The following VPS37C variants were observed in gnomAD, a reference collection of about 807,000 sequenced individuals.
The protein encoded by VPS37C is vacuolar protein sorting-associated protein 37C.
VPS37C carries 9 observed loss-of-function variants against 16.1 expected under a neutral mutation model. The ratio of observed to expected loss-of-function variants is 0.56; its 90% confidence interval spans 0.34 to 0.97. The LOEUF (loss-of-function observed/expected upper bound fraction) is 0.97. VPS37C is among the 50% of genes least tolerant of loss of function. The pLI is 0.02. For synonymous variants in VPS37C, 207 were observed against 206.4 expected, an observed-to-expected ratio of 1.00 and a Z score of -0.02; for missense variants, 479 against 472.7, an observed-to-expected ratio of 1.01 and a Z score of -0.12.
At chr11:61,157,448 T>C (rs483398) in intron 1 of VPS37C, among the ~76,000 whole-genome samples, 113,977 of 152,112 alleles carry the variant, frequency 0.75, 44,159 homozygotes, top group East Asian at 1. Flanking sequence ...ATGGGTGAAG[T>C]GGTAGCTCAC....
chr11:61,130,814 G>C lies in VPS37C; in HGVS notation c.*1006C>G, dbSNP rs1253774621. Reference sequence around the variant, plus strand: ...TAAAAAGCACCATTTGGGAAGTAAAGTTAGGGCCTCTTTTGATGCCTGTCT... The same window carrying C: ...TAAAAAGCACCATTTGGGAAGTAAACTTAGGGCCTCTTTTGATGCCTGTCT... On this transcript the variant is annotated 3_prime_UTR_variant, in exon 5 of 5. Transcript: ENST00000301765. 6.8e-6 allele frequency: 3 copies of C among 441,650 alleles called. No individual in the cohort carries two copies. The highest frequency in any genetic ancestry group is 3.2e-5 in the South Asian group (2 of 62,448). The allele number at this position is 441,650 out of a possible 1,614,324, so 27.4% of individuals were successfully genotyped here. A position where few individuals can be genotyped will look rare whatever the true frequency, so the allele number is the denominator to read the frequency against.
In VPS37C at chr11:61,134,156, G is replaced by A; in HGVS notation, c.145C>T (p.Leu49=). The A allele has an allele frequency of 6.2e-7, 1 of 1,614,070 alleles. No homozygotes were observed. Among genetic ancestry groups the A allele is most frequent in the Non-Finnish European group, 8.5e-7 (1 of 1,179,976 alleles). The part of the protein sequence containing the change: ...REMALATNRS[L]AERNLEFQGP... ...TGGAACTCCAAGTTCCGCTCTGCCAGGCTCCGGTTGGTGGCCAGTGCCATC... is the reference window on the plus strand; with the variant it reads ...TGGAACTCCAAGTTCCGCTCTGCCAAGCTCCGGTTGGTGGCCAGTGCCATC... Residue 49 remains leucine, a synonymous_variant, in exon 3 of 5, where the codon CTG becomes TTG. Coordinates refer to ENST00000301765, the MANE Select transcript of VPS37C (RefSeq NM_017966.5).
At chr11:61,139,837 G>A (rs571014124) in intron 1 of VPS37C, among the ~76,000 whole-genome samples, 2 of 150,174 alleles carry the variant, frequency 1.3e-5, no homozygotes, top group Non-Finnish European at 3.0e-5. Flanking sequence ...TTGATCTCCT[G>A]GGCTCAAATG....
chr11:61,145,159 A>G (rs1377022449), intron 1 of VPS37C: 1 of 152,248 alleles, frequency 6.6e-6, no homozygotes, highest in Non-Finnish European at 1.5e-5. Flanking sequence ...TCTAGTATGT[A>G]AAGCCAGCAT....
chr11:61,159,098 T>C (rs1391851018), intron 1 of VPS37C, among the ~76,000 whole-genome samples: 1 of 152,192 alleles, frequency 6.6e-6, no homozygotes, highest in Non-Finnish European at 1.5e-5. Flanking sequence ...CCCCTACTAT[T>C]ACTGGCCAAG....
chr11:61,133,806 C>G (rs1861314971), intron 3 of VPS37C, among the ~76,000 whole-genome samples: 1 of 152,204 alleles, frequency 6.6e-6, no homozygotes, highest in South Asian at 2.1e-4. Context: ...CAGGCTGTCT[C>G]AATTCAAATC....
intron 1 of VPS37C, 111 bp downstream of exon 1, chr11:61,161,280 G>GAGGCGGGC (rs1197879758): frequency 6.6e-6 from 1 of 152,002 alleles, no homozygotes; most frequent in East Asian, 1.9e-4. Context: ...CTGCCAGGAT[G>GAGGCGGGC]AGGCGGGCAG....
chr11:61,146,412 T>A (rs1006660664), intron 1 of VPS37C, among the ~76,000 whole-genome samples: 2 of 152,198 alleles, frequency 1.3e-5, no homozygotes, highest in Non-Finnish European at 2.9e-5. Flanking sequence ...CAATAATTCA[T>A]CATGAATACA....
At chr11:61,142,607 G>A (rs1421903409) in intron 1 of VPS37C, among the ~76,000 whole-genome samples, 1 of 152,058 alleles carries the variant, frequency 6.6e-6, no homozygotes, top group African/African-American at 2.4e-5. Context: ...ATGATCATGG[G>A]TCATGCAGCC....
At chr11:61,157,055 G>A (rs1853388510) in intron 1 of VPS37C, among the ~76,000 whole-genome samples, 1 of 152,206 alleles carries the variant, frequency 6.6e-6, no homozygotes, top group African/African-American at 2.4e-5. Context: ...TGTATTACAG[G>A]ATGTATCAAA....
chr11:61,155,968 G>C (rs1269438489), intron 1 of VPS37C, among the ~76,000 whole-genome samples: 1 of 151,048 alleles, frequency 6.6e-6, no homozygotes, highest in East Asian at 1.9e-4. Context: ...GGAAATGAAA[G>C]TAAACTATTG....
At position 61,131,889 on chromosome 11, in the gene VPS37C, AG is replaced by A; in HGVS notation, c.998del (p.Pro333LeufsTer105). On this transcript the variant is annotated frameshift_variant, in exon 5 of 5. Transcript: ENST00000301765. LOFTEE classifies it high-confidence loss of function. ...QPQPSVPLQP[P>X]YPPGPAPPYG... ...AGGGAGGGGCGGGCCCGGGGGGATA[AG>A]GGGGCTGCAGGGGCACTGAGGGCTG... 8.2e-7 allele frequency: 1 copy of A among 1,220,568 alleles called. No homozygotes were observed. Among genetic ancestry groups the A allele is most frequent in the Non-Finnish European group, 1.0e-6 (1 of 963,986 alleles). 75.6% of individuals were successfully genotyped at this position (1,220,568 alleles called of 1,614,324 possible). A position where few individuals can be genotyped will look rare whatever the true frequency, so the allele number is the denominator to read the frequency against.
chr11:61,136,481 C>T (rs1034828897), intron 2 of VPS37C, among the ~76,000 whole-genome samples: 1 of 152,130 alleles, frequency 6.6e-6, no homozygotes, highest in African/African-American at 2.4e-5. Context: ...GCCTGATCAT[C>T]ACACATTCTA....
chr11:61,148,159 G>C (rs1301814729), intron 1 of VPS37C, among the ~76,000 whole-genome samples: 1 of 152,118 alleles, frequency 6.6e-6, no homozygotes, highest in Non-Finnish European at 1.5e-5. Flanking sequence ...TGCTGAGATC[G>C]TGCAGGAGGA....
intron 1 of VPS37C, chr11:61,144,560 T>A (rs1010568082): frequency 6.6e-6 from 1 of 152,064 alleles, no homozygotes; most frequent in Admixed American, 6.5e-5. Context: ...GCGGGACAGG[T>A]GACACCCAGG....
chr11:61,137,888 C>T (rs1414681379), intron 2 of VPS37C, among the ~76,000 whole-genome samples: 3 of 152,128 alleles, frequency 2.0e-5, no homozygotes, highest in East Asian at 1.9e-4. Flanking sequence ...GGGGACTCAC[C>T]GGCCTGGCGC....
At chr11:61,134,422 G>A (rs905104919) in intron 2 of VPS37C, among the ~76,000 whole-genome samples, 4 of 152,188 alleles carry the variant, frequency 2.6e-5, no homozygotes, top group Admixed American at 1.3e-4. Flanking sequence ...CACAGCCCAC[G>A]AGGTGGAGAC....
At chr11:61,134,740 T>G (rs1456300617) in intron 2 of VPS37C, among the ~76,000 whole-genome samples, 3 of 152,188 alleles carry the variant, frequency 2.0e-5, no homozygotes, top group Non-Finnish European at 4.4e-5. Context: ...GCCACTGACT[T>G]AGGAGAGACC....
intron 4 of VPS37C, 39 bp downstream of exon 4, chr11:61,133,216 C>T: frequency 6.2e-7 from 1 of 1,608,130 alleles, no homozygotes; most frequent in East Asian, 2.2e-5. Context: ...GGGACTGACA[C>T]CCCGTCCAGG....
Sources: allele counts gnomAD v4.1 joint callset (sites outside exome capture counted in the v4.1 genomes callset), GRCh38; gene constraint gnomAD v4.1.1; transcripts MANE v1.5; gene names NCBI Gene and HGNC (gene_info 2026-07-23, HGNC 2026-07-21).